LRMDA: variants seen among roughly 807,000 people sequenced by gnomAD.
LRMDA encodes the protein leucine rich melanocyte differentiation associated.
LRMDA carries 18 observed loss-of-function variants against 29.8 expected under a neutral mutation model. That is an observed-to-expected ratio of 0.60 (90% CI 0.42 to 0.90). The LOEUF is 0.90. LRMDA is among the 40% of genes least tolerant of loss of function. LRMDA has a pLI of 0.00. For synonymous variants in LRMDA, 125 were observed against 109.4 expected, an observed-to-expected ratio of 1.14 and a Z score of -0.89; for missense variants, 273 against 273.9, an observed-to-expected ratio of 1.00 and a Z score of 0.02.
At chr10:75,618,590 T>G (rs1043775335) in intron 2 of LRMDA, among the ~76,000 whole-genome samples, 8 of 149,012 alleles carry the variant, frequency 5.4e-5, no homozygotes, top group African/African-American at 7.3e-5. Flanking sequence ...TCACATCTAA[T>G]AAAATTAACA....
At chr10:76,394,050 A>T (rs1841754576) in intron 6 of LRMDA, among the ~76,000 whole-genome samples, 1 of 152,190 alleles carries the variant, frequency 6.6e-6, no homozygotes, top group Non-Finnish European at 1.5e-5. Flanking sequence ...ATTGTGAGAC[A>T]GAAGAACACA....
chr10:75,738,180 C>T (rs545628543), intron 2 of LRMDA, among the ~76,000 whole-genome samples: 46 of 151,556 alleles, frequency 3.0e-4, no homozygotes, highest in Non-Finnish European at 3.8e-4. Context: ...TTTTTTTAAA[C>T]GTAATTTTGA....
chr10:75,812,993 C>T (rs1036523791), intron 2 of LRMDA, among the ~76,000 whole-genome samples: 2 of 152,166 alleles, frequency 1.3e-5, no homozygotes, highest in African/African-American at 2.4e-5. Flanking sequence ...TGGGTACAGT[C>T]GTGGCAGTGT....
chr10:76,542,896 A>G (rs111944215), intron 6 of LRMDA, among the ~76,000 whole-genome samples: 4 of 152,284 alleles, frequency 2.6e-5, no homozygotes, highest in African/African-American at 9.6e-5. Flanking sequence ...GGATCTAGTT[A>G]TAGGGAAGGC....
At chr10:76,472,355 A>T (rs913816632) in intron 6 of LRMDA, among the ~76,000 whole-genome samples, 5 of 151,784 alleles carry the variant, frequency 3.3e-5, no homozygotes, top group African/African-American at 9.7e-5. Context: ...ACACTTTGAG[A>T]TGAATGAAAA....
intron 6 of LRMDA, among the ~76,000 whole-genome samples, chr10:76,445,459 G>T (rs1297362655): frequency 6.6e-6 from 1 of 152,150 alleles, no homozygotes; most frequent in African/African-American, 2.4e-5. Flanking sequence ...GCAGATGCAG[G>T]GCATCACGGA....
intron 2 of LRMDA, among the ~76,000 whole-genome samples, chr10:75,458,658 A>G (rs968042344): frequency 6.6e-6 from 1 of 152,118 alleles, no homozygotes; most frequent in African/African-American, 2.4e-5. Context: ...TCAGAGAAGA[A>G]TTTTATCACC....
intron 6 of LRMDA, among the ~76,000 whole-genome samples, chr10:76,361,550 C>G (rs1031698294): frequency 6.6e-6 from 1 of 152,096 alleles, no homozygotes; most frequent in African/African-American, 2.4e-5. Context: ...AGCTTATCTA[C>G]CATTACATGC....
intron 5 of LRMDA, among the ~76,000 whole-genome samples, chr10:76,248,634 G>A (rs951324514): frequency 1.5e-4 from 23 of 152,234 alleles, no homozygotes; most frequent in African/African-American, 3.9e-4. Flanking sequence ...CGTAAGCAGA[G>A]CTACATTTGC....
At chr10:75,924,669 C>A (rs564624951) in intron 2 of LRMDA, among the ~76,000 whole-genome samples, 1 of 151,902 alleles carries the variant, frequency 6.6e-6, no homozygotes, top group East Asian at 1.9e-4. Flanking sequence ...CAAAGGAATC[C>A]GCCTGTCAGC....
chr10:75,918,419 C>T (rs1172447989), intron 2 of LRMDA, among the ~76,000 whole-genome samples: 1 of 152,028 alleles, frequency 6.6e-6, no homozygotes, highest in Non-Finnish European at 1.5e-5. Flanking sequence ...AGGGAGCGGG[C>T]ACATCACGTG....
At chr10:76,357,986 T>C (rs1198969219) in intron 6 of LRMDA, among the ~76,000 whole-genome samples, 1 of 152,198 alleles carries the variant, frequency 6.6e-6, no homozygotes, top group African/African-American at 2.4e-5. Flanking sequence ...AAATGAAGTG[T>C]GTACAAAGCC....
intron 2 of LRMDA, among the ~76,000 whole-genome samples, chr10:75,729,549 G>A (rs1842670191): frequency 6.6e-6 from 1 of 152,132 alleles, no homozygotes; most frequent in Non-Finnish European, 1.5e-5. Flanking sequence ...TGTGACTGCT[G>A]AAACCAAGAG....
At chr10:75,877,879 A>G (rs573741202) in intron 2 of LRMDA, among the ~76,000 whole-genome samples, 11 of 151,524 alleles carry the variant, frequency 7.3e-5, no homozygotes, top group Non-Finnish European at 1.6e-4. Context: ...GCAGACTGGA[A>G]CCTTTCTCGG....
At chr10:75,820,749 A>C (rs1844143667) in intron 2 of LRMDA, among the ~76,000 whole-genome samples, 1 of 152,136 alleles carries the variant, frequency 6.6e-6, no homozygotes. Context: ...TGAAAACATA[A>C]ATAAAATTAA....
intron 6 of LRMDA, among the ~76,000 whole-genome samples, chr10:76,345,970 A>G (rs187380766): frequency 6.6e-6 from 1 of 152,338 alleles, no homozygotes; most frequent in Admixed American, 6.5e-5. Context: ...TATAACAGAA[A>G]GATCTCCAAG....
At chr10:75,820,004 C>A (rs2132279917) in intron 2 of LRMDA, among the ~76,000 whole-genome samples, 1 of 152,072 alleles carries the variant, frequency 6.6e-6, no homozygotes, top group African/African-American at 2.4e-5. Flanking sequence ...TACTAGAGTG[C>A]CCAGAATCAT....
intron 2 of LRMDA, among the ~76,000 whole-genome samples, chr10:75,924,587 A>G (rs1183736091): frequency 6.6e-6 from 1 of 152,206 alleles, no homozygotes; most frequent in Non-Finnish European, 1.5e-5. Flanking sequence ...GAGGAGTGTG[A>G]AGCCAGAGCT....
At chr10:76,084,874 A>G (rs1467387356) in intron 5 of LRMDA, among the ~76,000 whole-genome samples, 2 of 152,158 alleles carry the variant, frequency 1.3e-5, no homozygotes, top group Admixed American at 1.3e-4. Flanking sequence ...TGGGACTACA[A>G]TTTACTTCTC....
Sources: gnomAD v4.1 joint callset for allele counts (sites outside exome capture counted in the v4.1 genomes callset) on GRCh38, gnomAD v4.1.1 for gene constraint, MANE v1.5 for transcripts, NCBI Gene and HGNC (gene_info 2026-07-23, HGNC 2026-07-21) for gene names.